Variants in DLG1 observed in about 807,000 individuals in gnomAD.
DLG1 encodes disks large homolog 1.
A neutral mutation model predicts 123.4 loss-of-function variants in DLG1; 42 were observed. The ratio of observed to expected loss-of-function variants is 0.34; its 90% CI spans 0.27 to 0.44. The LOEUF (loss-of-function observed/expected upper bound fraction) is 0.44, where lower values mean the gene tolerates loss of function less well. DLG1 is among the 20% of genes least tolerant of loss of function. The pLI, the probability that DLG1 is intolerant of heterozygous loss-of-function variation, is 1.00. For missense variants in DLG1, 942 were observed against 1,082.6 expected (o/e 0.87, Z 1.82); for synonymous variants, 317 against 356.2 (o/e 0.89, Z 1.24).
chr3:197,124,250 T>C (rs1474555355), intron 11 of DLG1, among the ~76,000 whole-genome samples: 3 of 152,192 alleles, frequency 2.0e-5, no homozygotes, highest in Non-Finnish European at 2.9e-5. Flanking sequence ...AATCTTTTTA[T>C]AGACTTTCCC....
intron 18 of DLG1, among the ~76,000 whole-genome samples, chr3:197,072,546 C>T (rs1478122490): frequency 6.6e-6 from 1 of 152,036 alleles, no homozygotes. Context: ...ATCTTCTGAG[C>T]ACTCTTGCCC....
At chr3:197,244,137 G>C (rs1347120545) in intron 4 of DLG1, among the ~76,000 whole-genome samples, 4 of 152,170 alleles carry the variant, frequency 2.6e-5, no homozygotes, top group Admixed American at 6.5e-5. Flanking sequence ...GAAATGCCAA[G>C]TTTTCCCCGT....
intron 9 of DLG1, among the ~76,000 whole-genome samples, chr3:197,137,509 C>A (rs1785616005): frequency 1.3e-5 from 2 of 152,124 alleles, no homozygotes; most frequent in African/African-American, 4.8e-5. Context: ...ATACTTAATA[C>A]AAATAGGGAC....
chr3:197,181,120 G>A (rs1180262565), intron 5 of DLG1, among the ~76,000 whole-genome samples: 2 of 152,076 alleles, frequency 1.3e-5, no homozygotes, highest in East Asian at 3.9e-4. Flanking sequence ...AAATGAATCT[G>A]TAAAATAAGT....
chr3:197,258,772 A>G (rs1322526405), intron 4 of DLG1, among the ~76,000 whole-genome samples: 2 of 152,244 alleles, frequency 1.3e-5, no homozygotes, highest in African/African-American at 4.8e-5. Context: ...TCTTCCTGCT[A>G]GAGCCATTGG....
At chr3:197,081,767 G>C (rs1334431294) in intron 16 of DLG1, among the ~76,000 whole-genome samples, 2 of 152,128 alleles carry the variant, frequency 1.3e-5, no homozygotes, top group Non-Finnish European at 2.9e-5. Context: ...GGTGAAATGG[G>C]TGTTGTGAGA....
intron 3 of DLG1, among the ~76,000 whole-genome samples, chr3:197,288,378 A>AAAAAG (rs1249275839): frequency 1.9e-4 from 28 of 149,462 alleles, no homozygotes; most frequent in African/African-American, 5.9e-4. Flanking sequence ...AAAAAAAAAA[A>AAAAAG]AAAAGAAAAG....
intron 19 of DLG1, among the ~76,000 whole-genome samples, chr3:197,067,537 TAAA>T (rs1190417861): frequency 7.0e-6 from 1 of 142,950 alleles, no homozygotes; most frequent in African/African-American, 2.6e-5. Context: ...AATAAATAGT[TAAA>T]AACTCTGAGA....
chr3:197,051,297 A>G (rs1401775078), intron 24 of DLG1, among the ~76,000 whole-genome samples: 1 of 148,372 alleles, frequency 6.7e-6, no homozygotes, highest in Non-Finnish European at 1.5e-5. Flanking sequence ...CGCTTGAGCC[A>G]GGGAGGCCCC....
At chr3:197,160,664 C>T (rs1798434475) in intron 5 of DLG1, among the ~76,000 whole-genome samples, 1 of 151,880 alleles carries the variant, frequency 6.6e-6, no homozygotes, top group Non-Finnish European at 1.5e-5. Context: ...CTGTAATTTC[C>T]CCTAGAATCC....
At chr3:197,176,682 CCA>C (rs1183015321) in intron 5 of DLG1, among the ~76,000 whole-genome samples, 2 of 152,102 alleles carry the variant, frequency 1.3e-5, no homozygotes, top group Non-Finnish European at 2.9e-5. Context: ...TCTGAATGCA[CCA>C]CACTTTATCC....
chr3:197,103,267 T>C (rs114307458), intron 14 of DLG1, among the ~76,000 whole-genome samples: 1,667 of 152,262 alleles, frequency 0.011, 25 homozygotes, highest in African/African-American at 0.038. Flanking sequence ...GGTAGGAGCA[T>C]GCGTGTATGT....
chr3:197,297,129 A>G, intron 2 of DLG1, 57 bp downstream of exon 2: 3 of 1,600,450 alleles, frequency 1.9e-6, no homozygotes, highest in Non-Finnish European at 2.6e-6. Context: ...CAATCAAAAA[A>G]CTGACACACG....
rs1754182969 is a variant in DLG1, at chr3:197,086,089, G to A, written c.1662-333C>T. ...GAAATTAATAAACAAAAAGTATTAA[G>A]ATACATTCTTCTCTTTACTTTGATT... On this transcript the variant is annotated intron_variant, in intron 15 of 24. Coordinates refer to ENST00000667157, the MANE Select transcript of DLG1 (RefSeq NM_001366207.1). Among the ~76,000 whole-genome samples, 9 of 151,908 alleles carry A rather than the reference G, an allele frequency of 5.9e-5. No individual in the cohort carries two copies. In the South Asian group the frequency reaches 1.9e-3, roughly 32 times the overall value.
intron 4 of DLG1, among the ~76,000 whole-genome samples, chr3:197,200,916 AACTGGAACAAT>A (rs1365324904): frequency 2.0e-5 from 3 of 152,312 alleles, no homozygotes; most frequent in South Asian, 2.1e-4. Context: ...TCCCTCTAAG[AACTGGAACAAT>A]ACCGGAATAC....
intron 11 of DLG1, among the ~76,000 whole-genome samples, chr3:197,123,959 A>G (rs897422842): frequency 1.3e-5 from 2 of 152,376 alleles, no homozygotes. Flanking sequence ...AATTCAATTA[A>G]AAATTAAATA....
chr3:197,276,468 A>T (rs150408820), intron 4 of DLG1, among the ~76,000 whole-genome samples: 1 of 152,348 alleles, frequency 6.6e-6, no homozygotes, highest in Non-Finnish European at 1.5e-5. Flanking sequence ...TGTTAAAAAT[A>T]TCCTTGCTGT....
At chr3:197,216,289 T>C (rs1734085507) in intron 4 of DLG1, among the ~76,000 whole-genome samples, 1 of 152,218 alleles carries the variant, frequency 6.6e-6, no homozygotes, top group African/African-American at 2.4e-5. Flanking sequence ...CAGTTAAGAA[T>C]TCAAAAATTT....
At chr3:197,271,470 T>A (rs1231459803) in intron 4 of DLG1, among the ~76,000 whole-genome samples, 7 of 152,194 alleles carry the variant, frequency 4.6e-5, no homozygotes, top group African/African-American at 9.7e-5. Flanking sequence ...AGGAATGAAC[T>A]CTCTAAATAA....
Sources: gnomAD v4.1 joint callset for allele counts (sites outside exome capture counted in the v4.1 genomes callset) on GRCh38, gnomAD v4.1.1 for gene constraint, MANE v1.5 for transcripts, NCBI Gene and HGNC (gene_info 2026-07-23, HGNC 2026-07-21) for gene names.